The following FGGY variants were observed in gnomAD, a reference collection of about 807,000 sequenced individuals.
FGGY encodes the protein FGGY carbohydrate kinase domain containing.
In FGGY, 72 loss-of-function variants were observed where a neutral mutation model predicts 71.3. The ratio of observed to expected loss-of-function variants is 1.01; its 90% CI spans 0.84 to 1.23. The LOEUF (loss-of-function observed/expected upper bound fraction) is 1.23. Among genes scored for constraint, FGGY ranks in the 50% most tolerant of loss-of-function variants. The probability of loss-of-function intolerance (pLI) is 0.00; values close to 1 mark genes in which losing one functional copy is unlikely to be tolerated. For synonymous variants in FGGY, 251 were observed against 250.3 expected (o/e 1.00, Z -0.02); for missense variants, 668 against 682.3 (o/e 0.98, Z 0.23).
At chr1:59,514,206 C>T (rs1188163586) in intron 7 of FGGY, among the ~76,000 whole-genome samples, 2 of 152,190 alleles carry the variant, frequency 1.3e-5, no homozygotes, top group Non-Finnish European at 2.9e-5. Context: ...AAAGCTTTCT[C>T]TGTCATGCTT....
At chr1:59,505,018 A>G (rs1394296568) in intron 6 of FGGY, among the ~76,000 whole-genome samples, 1 of 152,216 alleles carries the variant, frequency 6.6e-6, no homozygotes, top group Non-Finnish European at 1.5e-5. Flanking sequence ...AGAGAGATCG[A>G]GGTATAAATA....
At chr1:59,522,204 T>A (rs1570624179) in intron 7 of FGGY, among the ~76,000 whole-genome samples, 1 of 152,222 alleles carries the variant, frequency 6.6e-6, no homozygotes, top group Non-Finnish European at 1.5e-5. Context: ...TTTAATAAAT[T>A]ATAAAGTTGG....
chr1:59,374,457 G>A (rs1393463192), intron 4 of FGGY, among the ~76,000 whole-genome samples: 1 of 152,176 alleles, frequency 6.6e-6, no homozygotes, highest in Non-Finnish European at 1.5e-5. Context: ...CTGTTGTTGG[G>A]ACTGTAAACT....
At chr1:59,690,654 G>A (rs1279559587) in intron 14 of FGGY, among the ~76,000 whole-genome samples, 1 of 152,160 alleles carries the variant, frequency 6.6e-6, no homozygotes, top group East Asian at 1.9e-4. Context: ...AGTAGTCAGT[G>A]CTGGATACAT....
intron 2 of FGGY, among the ~76,000 whole-genome samples, chr1:59,339,475 T>A (rs561024311): frequency 8.5e-5 from 13 of 152,100 alleles, no homozygotes; most frequent in South Asian, 6.2e-4. Flanking sequence ...TATTATTATT[T>A]TTTTTTGAGA....
At chr1:59,484,730 T>G (rs894817494) in intron 6 of FGGY, among the ~76,000 whole-genome samples, 1 of 152,292 alleles carries the variant, frequency 6.6e-6, no homozygotes, top group East Asian at 1.9e-4. Flanking sequence ...AAATTCACCA[T>G]GATAAGTGAT....
Position 59,650,294 on chromosome 1 carries a change from T to G in FGGY, c.1222-9925T>G, listed in dbSNP as rs1023463940. On this transcript the variant is annotated intron_variant, in intron 11 of 15. Coordinates refer to ENST00000303721, the MANE Select transcript of FGGY (RefSeq NM_018291.5). ...ATGCGTTAGGGAGGATTCCGTCTTT[T>G]CTATTGATTGGAATAGTTTCAGAAG... Among the ~76,000 whole-genome samples the G allele has an allele frequency of 1.4e-5, 2 of 142,524 alleles. 1 individual carries two copies. The highest frequency in any genetic ancestry group is 5.9e-5 in the African/African-American group (2 of 33,666). 93.5% of individuals were successfully genotyped at this position (142,524 alleles called of 152,430 possible).
rs1486277173 is a variant in FGGY at position 59,313,957 on chromosome 1, A to T, written c.-14-7579A>T. Among the ~76,000 whole-genome samples the T allele has an allele frequency of 5.3e-5, 8 of 149,690 alleles. No homozygotes were observed. The South Asian group carries it at 1.5e-3, about 28-fold the overall frequency. ...ACCTGTTCCCCAAAAACCTACGGAA[A>T]TTTTTTTTTTCTTTTTTTTTTTGAG... On this transcript the variant is annotated intron_variant, in intron 1 of 15. Transcript: ENST00000303721.
At chr1:59,647,239 A>G (rs1471246440) in intron 11 of FGGY, among the ~76,000 whole-genome samples, 1 of 152,350 alleles carries the variant, frequency 6.6e-6, no homozygotes, top group East Asian at 1.9e-4. Flanking sequence ...AGTATGGGCC[A>G]GAAGAGTTGT....
intron 2 of FGGY, among the ~76,000 whole-genome samples, chr1:59,326,789 C>T (rs560414937): frequency 6.6e-6 from 1 of 152,138 alleles, no homozygotes; most frequent in Admixed American, 6.5e-5. Flanking sequence ...ACATCTATCA[C>T]TCTACTACAG....
At chr1:59,319,890 G>A (rs2153120000) in intron 1 of FGGY, among the ~76,000 whole-genome samples, 1 of 152,258 alleles carries the variant, frequency 6.6e-6, no homozygotes, top group East Asian at 1.9e-4. Context: ...AGGGCTGGAG[G>A]GTGGGGCAAG....
In FGGY at chr1:59,473,509, G is replaced by A. The variant is rs189028881; in HGVS notation, c.670+16433G>A. ...CTGGACACAGTAGTTTACCAGAAAA[G>A]AGGGGAAATGGCTTCCAAGGCAGAA... On this transcript the variant is annotated intron_variant, in intron 6 of 15. Coordinates refer to ENST00000303721, the MANE Select transcript of FGGY (RefSeq NM_018291.5). Among the ~76,000 whole-genome samples the A allele has an allele frequency of 3.2e-3, 485 of 152,312 alleles. 2 individuals carry two copies. The highest frequency in any genetic ancestry group is 0.011 in the African/African-American group (454 of 41,576).
intron 7 of FGGY, among the ~76,000 whole-genome samples, chr1:59,549,665 C>G (rs1016334782): frequency 6.6e-6 from 1 of 152,118 alleles, no homozygotes; most frequent in African/African-American, 2.4e-5. Flanking sequence ...AACACAAATG[C>G]GAGAACTCAG....
At chr1:59,483,560 A>G (rs2093568937) in intron 6 of FGGY, among the ~76,000 whole-genome samples, 1 of 152,186 alleles carries the variant, frequency 6.6e-6, no homozygotes, top group Non-Finnish European at 1.5e-5. Flanking sequence ...TAAATTGTCT[A>G]TTCTCTGTAT....
intron 14 of FGGY, among the ~76,000 whole-genome samples, chr1:59,734,400 T>C (rs2098081037): frequency 6.6e-6 from 1 of 152,154 alleles, no homozygotes; most frequent in African/African-American, 2.4e-5. Flanking sequence ...AGACGGGGTT[T>C]TGCCACATTG....
intron 8 of FGGY, among the ~76,000 whole-genome samples, chr1:59,586,179 T>C (rs2096282627): frequency 1.3e-5 from 2 of 152,228 alleles, no homozygotes; most frequent in Non-Finnish European, 2.9e-5. Flanking sequence ...CAAAGGATTA[T>C]AAATCATGCT....
intron 7 of FGGY, among the ~76,000 whole-genome samples, chr1:59,545,159 A>G (rs1215811865): frequency 5.3e-5 from 8 of 152,224 alleles, no homozygotes; most frequent in Non-Finnish European, 1.5e-5. Context: ...GTAGAATACA[A>G]GGAAACAACT....
At chr1:59,332,179 C>A (rs1430159846) in intron 2 of FGGY, 2 of 149,646 alleles carry the variant, frequency 1.3e-5, no homozygotes, top group African/African-American at 5.1e-5. Flanking sequence ...ACAATCCCTT[C>A]CCCAAATATT....
rs113133383 is a variant in FGGY, at chr1:59,638,577, G to A, written c.1221+202G>A. On this transcript the variant is annotated intron_variant, in intron 11 of 15. Coordinates refer to ENST00000303721, the MANE Select transcript of FGGY (RefSeq NM_018291.5). ...TTGTTTCTGAGCCAACCTTGAAAGC[G>A]TTAAAAGCAGCATTTCCTAGTTCAG... Among the ~76,000 whole-genome samples, 113 of 152,392 alleles carry A rather than the reference G, an allele frequency of 7.4e-4. 2 individuals carry two copies. The highest frequency in any genetic ancestry group is 2.5e-3 in the African/African-American group (102 of 41,594).
Sources: gnomAD v4.1 joint callset for allele counts (sites outside exome capture counted in the v4.1 genomes callset) on GRCh38, gnomAD v4.1.1 for gene constraint, MANE v1.5 for transcripts, NCBI Gene and HGNC (gene_info 2026-07-23, HGNC 2026-07-21) for gene names.